RSF1: variants seen among roughly 807,000 people sequenced by gnomAD.
RSF1 encodes the protein HBV pX-associated protein 8.
A neutral mutation model predicts 145.2 loss-of-function variants in RSF1; 13 were observed. That is an observed-to-expected ratio of 0.09 (90% CI 0.06 to 0.14). RSF1 has a LOEUF of 0.14. Ranked by LOEUF, RSF1 falls within the 10% of genes least tolerant of loss-of-function variation. The pLI is 1.00. For synonymous variants in RSF1, 577 were observed against 592.6 expected (o/e 0.97, Z 0.38); for missense variants, 1,517 against 1,718.2 (o/e 0.88, Z 2.07).
intron 9 of RSF1, among the ~76,000 whole-genome samples, chr11:77,685,545 C>T (rs1314129828): frequency 1.3e-5 from 2 of 152,218 alleles, no homozygotes; most frequent in South Asian, 2.1e-4. Flanking sequence ...ATCCACCCAC[C>T]TTGACCTCTC....
At chr11:77,721,816 C>CTGAA (rs35570270) in intron 5 of RSF1, among the ~76,000 whole-genome samples, 3,636 of 152,058 alleles carry the variant, frequency 0.024, 117 homozygotes, top group African/African-American at 0.081. Flanking sequence ...TAAGTATTCA[C>CTGAA]TGAATGAATG....
In RSF1 at chr11:77,764,603, T is replaced by C. The variant is rs1421374632; in HGVS notation, c.274A>G (p.Ile92Val). Residue 92 changes from isoleucine (I) to valine (V), a missense_variant, in exon 2 of 16, where the codon ATC (isoleucine) becomes GTC (valine). Around this residue, in one of 12 missense-constraint regions of RSF1, gnomAD observed 94 missense variants for 143.6 expected, o/e 0.65. Coordinates refer to ENST00000308488, the MANE Select transcript of RSF1 (RefSeq NM_016578.4). The stretch of plus-strand genomic sequence containing the variant: ...AATTTACAAATACTAGTTACCTTGA[T>C]CAAATATTTTTCCCATCTGTCTGCA... ...VTADRWEKYL[I>V]KICQEFNSTW... 9 of 1,570,430 alleles carry C rather than the reference T, an allele frequency of 5.7e-6. No homozygotes were observed. Among genetic ancestry groups the C allele is most frequent in the Middle Eastern group, 1.7e-4 (1 of 5,996 alleles).
the RSF1 span, among the ~76,000 whole-genome samples, chr11:77,827,103 CAAAAAAAA>C: frequency 6.9e-6 from 1 of 144,074 alleles, no homozygotes. Context: ...AAACTCGTCT[CAAAAAAAA>C]AAAAAATCGA....
chr11:77,740,382 A>T (rs922104342), intron 4 of RSF1, among the ~76,000 whole-genome samples: 14 of 152,246 alleles, frequency 9.2e-5, no homozygotes, highest in Admixed American at 3.9e-4. Context: ...TTTAAAAAAG[A>T]AAAGAAAACT....
At chr11:77,850,288 C>CA in the RSF1 span, among the ~76,000 whole-genome samples, 1 of 152,144 alleles carries the variant, frequency 6.6e-6, no homozygotes, top group Non-Finnish European at 1.5e-5. Flanking sequence ...CTTTACCAGT[C>CA]ATTAAAACAA....
At chr11:77,802,007 T>C (rs994661044) in intron 1 of RSF1, among the ~76,000 whole-genome samples, 2 of 151,664 alleles carry the variant, frequency 1.3e-5, no homozygotes, top group Non-Finnish European at 2.9e-5. Flanking sequence ...TTCTATAAAA[T>C]AATAATAATA....
intron 1 of RSF1, among the ~76,000 whole-genome samples, chr11:77,809,290 G>C (rs546281239): frequency 3.9e-5 from 6 of 152,256 alleles, no homozygotes; most frequent in Admixed American, 3.9e-4. Context: ...AGTAAGCTCT[G>C]ATAATTACAA....
rs186837552 is a variant in RSF1 at position 77,767,163 on chromosome 11, T to C, written c.188-2474A>G. On this transcript the variant is annotated intron_variant, in intron 1 of 15. Coordinates refer to ENST00000308488, the MANE Select transcript of RSF1 (RefSeq NM_016578.4). ...CATGGAATTTTGAAACTGTATAGCG[T>C]TGTATAAATATAAAATACTTTTATT... Among the ~76,000 whole-genome samples, 433 of 152,330 alleles carry C rather than the reference T, an allele frequency of 2.8e-3. 4 individuals are homozygous for C. Among genetic ancestry groups the C allele is most frequent in the African/African-American group, 0.01 (416 of 41,564 alleles).
chr11:77,761,207 G>C (rs991952650), intron 2 of RSF1, among the ~76,000 whole-genome samples: 3 of 152,054 alleles, frequency 2.0e-5, no homozygotes, highest in Non-Finnish European at 2.9e-5. Context: ...CCAAAGTGCT[G>C]GGATTACAGG....
the RSF1 span, among the ~76,000 whole-genome samples, chr11:77,870,877 C>T: frequency 6.6e-6 from 1 of 152,148 alleles, no homozygotes; most frequent in East Asian, 1.9e-4. Flanking sequence ...TATTCTATAA[C>T]TTTTTCCCCC....
At chr11:77,689,537 A>G (rs1285983774) in intron 9 of RSF1, among the ~76,000 whole-genome samples, 1 of 152,204 alleles carries the variant, frequency 6.6e-6, no homozygotes, top group African/African-American at 2.4e-5. Flanking sequence ...CCCAAATCCT[A>G]TGAGAACTAA....
intron 2 of RSF1, chr11:77,763,514 A>G (rs1278939523): frequency 6.6e-6 from 1 of 152,104 alleles, no homozygotes; most frequent in Non-Finnish European, 1.5e-5. Context: ...AAGTTACTCT[A>G]TTTAGTTTCT....
At chr11:77,857,770 C>T in the RSF1 span, among the ~76,000 whole-genome samples, 1 of 150,856 alleles carries the variant, frequency 6.6e-6, no homozygotes, top group Admixed American at 6.6e-5. Context: ...AATCTTGGCT[C>T]ACTGCAGCCT....
intron 4 of RSF1, among the ~76,000 whole-genome samples, chr11:77,727,109 A>T (rs1961074112): frequency 6.6e-6 from 1 of 152,224 alleles, no homozygotes; most frequent in African/African-American, 2.4e-5. Flanking sequence ...TAATATCAAA[A>T]GGTAAGACTA....
At chr11:77,779,051 C>G (rs1239284984) in intron 1 of RSF1, among the ~76,000 whole-genome samples, 1 of 152,006 alleles carries the variant, frequency 6.6e-6, no homozygotes, top group Non-Finnish European at 1.5e-5. Flanking sequence ...TTCAAGCGAT[C>G]TCATGTCTGA....
intron 2 of RSF1, among the ~76,000 whole-genome samples, chr11:77,751,299 G>T (rs1476005355): frequency 6.6e-6 from 1 of 152,146 alleles, no homozygotes; most frequent in Non-Finnish European, 1.5e-5. Flanking sequence ...AAAAGAGGGT[G>T]TGAAATGGCT....
At chr11:77,822,268 C>T (rs1222809681), upstream of RSF1, among the ~76,000 whole-genome samples, 1 of 151,842 alleles carries the variant, frequency 6.6e-6, no homozygotes, top group Non-Finnish European at 1.5e-5. Context: ...GGTGAAACCC[C>T]GTCTCTAGTA....
In RSF1 at chr11:77,701,197, C is replaced by A. The variant is rs201721777; in HGVS notation, c.2032G>T (p.Val678Leu). Reference protein sequence around the residue: ...TLKEDSEFTKVEMDNLDNAQT... With the variant: ...TLKEDSEFTKLEMDNLDNAQT... ...GCATTGTCCAGATTATCCATTTCTA[C>A]CTTTGTGAACTCAGAATCCTCTTTT... is the stretch of plus-strand genomic sequence containing the variant. The change falls in exon 6 of 16, where the codon GTA becomes TTA. Residue 678 changes from valine to leucine, a missense_variant. Val to Leu is a conservative substitution (Grantham distance 32). Around this residue, in one of 12 missense-constraint regions of RSF1, gnomAD observed 579 missense variants for 553.5 expected, o/e 1.05. Transcript: ENST00000308488. The A allele has an allele frequency of 5.0e-6, 8 of 1,614,128 alleles. No homozygotes were observed. The East Asian group carries it at 1.8e-4, about 36-fold the overall frequency.
intron 1 of RSF1, among the ~76,000 whole-genome samples, chr11:77,814,139 G>T (rs935419068): frequency 6.6e-6 from 1 of 151,622 alleles, no homozygotes; most frequent in African/African-American, 2.4e-5. Context: ...GGCAGAGGTT[G>T]TAGTGAACCA....
Sources: gnomAD v4.1 joint callset for allele counts (sites outside exome capture counted in the v4.1 genomes callset) on GRCh38, gnomAD v4.1.1 for gene constraint, gnomAD v4.1.1 regional missense constraint, MANE v1.5 for transcripts, NCBI Gene and HGNC (gene_info 2026-07-23, HGNC 2026-07-21) for gene names.